Variants in KRTAP19-2 observed in about 807,000 individuals in gnomAD.
KRTAP19-2 encodes keratin-associated protein 19-2.
Under a neutral mutation model 0.3 loss-of-function variants are expected in KRTAP19-2, and 2 were observed. The ratio of observed to expected loss-of-function variants is 6.87; its 90% confidence interval spans 2.81 to 21.61. KRTAP19-2 has a LOEUF of 21.61. Among genes scored for constraint, KRTAP19-2 ranks in the 30% most tolerant of loss-of-function variants. The pLI is 0.03. For synonymous variants in KRTAP19-2, 31 were observed against 24.6 expected, an observed-to-expected ratio of 1.26 and a Z score of -0.77; for missense variants, 63 against 63.1, an observed-to-expected ratio of 1.00 and a Z score of 0.00.
chr21:30,487,207 A>C lies in KRTAP19-2; in HGVS notation c.142T>G (p.Phe48Val). The change falls in exon 1 of 1, where the codon TTC becomes GTC. Residue 48 changes from phenylalanine to valine, a missense_variant. Transcript: ENST00000334055. ...CCPSCYRRYR[F>V]TGFY Reference sequence around the variant, plus strand: ...GCAGCAGCTTAGTAGAAGCCAGTGAATCTATATCTTCTGTAGCATGATGGG... The same window carrying C: ...GCAGCAGCTTAGTAGAAGCCAGTGACTCTATATCTTCTGTAGCATGATGGG... 1.2e-6 allele frequency: 2 copies of C among 1,614,136 alleles called. No homozygotes were observed. The highest frequency in any genetic ancestry group is 1.7e-6 in the Non-Finnish European group (2 of 1,179,984).
In KRTAP19-2 at chr21:30,487,400, G is replaced by A; in HGVS notation, c.-52C>T. 6.2e-7 allele frequency: 1 copy of A among 1,613,528 alleles called. No individual in the cohort carries two copies. The highest frequency in any genetic ancestry group is 8.5e-7 in the Non-Finnish European group (1 of 1,179,622). Reference sequence around the variant, plus strand: ...CCAGACCTCCACAGTAGCTGCCCTAGTAGCTCACGGTGTCAGAGATAGTGA... The same window carrying A: ...CCAGACCTCCACAGTAGCTGCCCTAATAGCTCACGGTGTCAGAGATAGTGA... On this transcript the variant is annotated 5_prime_UTR_variant, in exon 1 of 1. Transcript: ENST00000334055.
rs1487414397 is a variant in KRTAP19-2 at position 30,487,161 on chromosome 21, A to G, written c.*29T>C. On this transcript the variant is annotated 3_prime_UTR_variant, in exon 1 of 1. Coordinates refer to ENST00000334055, the MANE Select transcript of KRTAP19-2 (RefSeq NM_181608.2). The stretch of plus-strand genomic sequence containing the variant: ...ACTTGTTTTTAAATCCCTTCAAAAT[A>G]ACAGATGCTGCATCACTAGAGCAGC... 1.9e-6 allele frequency: 3 copies of G among 1,606,672 alleles called. No individual in the cohort carries two copies. The Admixed American group carries it at 5.0e-5, about 27-fold the overall frequency.
rs1985878462 is a variant in KRTAP19-2 at position 30,487,072 on chromosome 21, C to G, written c.*118G>C. 1 of 1,107,704 alleles carries G rather than the reference C, an allele frequency of 9.0e-7. No homozygotes were observed. The highest frequency in any genetic ancestry group is 1.6e-5 in the African/African-American group (1 of 64,108). 68.6% of individuals were successfully genotyped at this position (1,107,704 alleles called of 1,614,324 possible). A position where few individuals can be genotyped will look rare whatever the true frequency, so the allele number is the denominator to read the frequency against. On this transcript the variant is annotated 3_prime_UTR_variant, in exon 1 of 1. Coordinates refer to ENST00000334055, the MANE Select transcript of KRTAP19-2 (RefSeq NM_181608.2). ...AGCCCCTTTGTTTTGGTCAATTTCT[C>G]CCTTTGGAATGGGAGCATTTACACA...
rs1286385862 is a variant in KRTAP19-2 at position 30,487,260 on chromosome 21, T to C, written c.89A>G (p.His30Arg). 1 of 1,614,152 alleles carries C rather than the reference T, an allele frequency of 6.2e-7. No individual in the cohort carries two copies. The highest frequency in any genetic ancestry group is 8.5e-7 in the Non-Finnish European group (1 of 1,180,016). ...GCAGCAGCCATCTCCACAGCCTCTGTGGCCACAACCATATCTGCATCCTTC... is the reference window on the plus strand; with the variant it reads ...GCAGCAGCCATCTCCACAGCCTCTGCGGCCACAACCATATCTGCATCCTTC... ...GYEGCRYGCGHRGCGDGCCCP... is the reference protein window; with the variant it reads ...GYEGCRYGCGRRGCGDGCCCP... Residue 30 changes from histidine (H) to arginine (R), a missense_variant, in exon 1 of 1, where the codon CAC (histidine) becomes CGC (arginine). Coordinates refer to ENST00000334055, the MANE Select transcript of KRTAP19-2 (RefSeq NM_181608.2).
rs979258271 is a variant in KRTAP19-2 at position 30,487,429 on chromosome 21, G to C, written c.-81C>G. The C allele has an allele frequency of 1.7e-5, 28 of 1,606,544 alleles. No individual in the cohort carries two copies. The highest frequency in any genetic ancestry group is 2.3e-5 in the Non-Finnish European group (27 of 1,175,090). The stretch of plus-strand genomic sequence containing the variant: ...CTCACGGTGTCAGAGATAGTGAGTT[G>C]GGTTTGCTGTCCCAGGCAAGGTCCT... On this transcript the variant is annotated 5_prime_UTR_variant, in exon 1 of 1. Transcript: ENST00000334055.
At position 30,487,383 on chromosome 21, in the gene KRTAP19-2, C is replaced by T. The variant is rs1277348535; in HGVS notation, c.-35G>A. 1.9e-6 allele frequency: 3 copies of T among 1,613,934 alleles called. No individual in the cohort carries two copies. Among genetic ancestry groups the T allele is most frequent in the Non-Finnish European group, 2.5e-6 (3 of 1,179,902 alleles). On this transcript the variant is annotated 5_prime_UTR_variant, in exon 1 of 1. Coordinates refer to ENST00000334055, the MANE Select transcript of KRTAP19-2 (RefSeq NM_181608.2). ...GCCTCCACAGCCATAGCCCAGACCT[C>T]CACAGTAGCTGCCCTAGTAGCTCAC...
At position 30,487,375 on chromosome 21, in the gene KRTAP19-2, C is replaced by T. The variant is rs1380884783; in HGVS notation, c.-27G>A. ...CCACCAAAGCCTCCACAGCCATAGCCCAGACCTCCACAGTAGCTGCCCTAG... is the reference window on the plus strand; with the variant it reads ...CCACCAAAGCCTCCACAGCCATAGCTCAGACCTCCACAGTAGCTGCCCTAG... On this transcript the variant is annotated 5_prime_UTR_variant, in exon 1 of 1. Transcript: ENST00000334055. 1 of 1,613,790 alleles carries T rather than the reference C, an allele frequency of 6.2e-7. No individual in the cohort carries two copies. The highest frequency in any genetic ancestry group is 1.3e-5 in the African/African-American group (1 of 75,018).
chr21:30,487,354 C>T lies in KRTAP19-2; in HGVS notation c.-6G>A. 6.2e-7 allele frequency: 1 copy of T among 1,610,458 alleles called. No individual in the cohort carries two copies. The highest frequency in any genetic ancestry group is 8.5e-7 in the Non-Finnish European group (1 of 1,177,016). ...CAGCCGTAGCCATAGCACATGCCAC[C>T]AAAGCCTCCACAGCCATAGCCCAGA... On this transcript the variant is annotated 5_prime_UTR_variant, in exon 1 of 1. Transcript: ENST00000334055.
chr21:30,487,235 G>A lies in KRTAP19-2; in HGVS notation c.114C>T (p.Cys38=). 1 of 1,614,176 alleles carries A rather than the reference G, an allele frequency of 6.2e-7. No homozygotes were observed. The highest frequency in any genetic ancestry group is 8.5e-7 in the Non-Finnish European group (1 of 1,180,026). The change falls in exon 1 of 1, where the codon TGC becomes TGT. Residue 38 remains cysteine, a synonymous_variant. Coordinates refer to ENST00000334055, the MANE Select transcript of KRTAP19-2 (RefSeq NM_181608.2). ...TATATCTTCTGTAGCATGATGGGCA[G>A]CAGCAGCCATCTCCACAGCCTCTGT... ...CGHRGCGDGC[C]CPSCYRRYRF...
Position 30,487,202 on chromosome 21 carries a change from A to G in KRTAP19-2, c.147T>C (p.Thr49=). 1 of 1,614,200 alleles carries G rather than the reference A, an allele frequency of 6.2e-7. No individual in the cohort carries two copies. The highest frequency in any genetic ancestry group is 2.2e-5 in the East Asian group (1 of 44,868). Residue 49 remains threonine, a synonymous_variant, in exon 1 of 1, where the codon ACT becomes ACC. Transcript: ENST00000334055. ...CTAGAGCAGCAGCTTAGTAGAAGCCAGTGAATCTATATCTTCTGTAGCATG... is the reference window on the plus strand; with the variant it reads ...CTAGAGCAGCAGCTTAGTAGAAGCCGGTGAATCTATATCTTCTGTAGCATG... ...CPSCYRRYRF[T]GFY is the part of the protein sequence containing the mutation.
rs1173406103 is a variant in KRTAP19-2, at chr21:30,487,365, C to A, written c.-17G>T. ...ATAGCACATGCCACCAAAGCCTCCA[C>A]AGCCATAGCCCAGACCTCCACAGTA... On this transcript the variant is annotated 5_prime_UTR_variant, in exon 1 of 1. Transcript: ENST00000334055. 6.2e-7 allele frequency: 1 copy of A among 1,613,922 alleles called. No individual in the cohort carries two copies.
rs929305165 is a variant in KRTAP19-2 at position 30,487,231 on chromosome 21, G to A, written c.118C>T (p.Pro40Ser). Residue 40 changes from proline (P) to serine (S), a missense_variant, in exon 1 of 1, where the codon CCA (proline) becomes TCA (serine). By Grantham distance (74) the Pro-to-Ser change is moderately conservative. Coordinates refer to ENST00000334055, the MANE Select transcript of KRTAP19-2 (RefSeq NM_181608.2). ...AATCTATATCTTCTGTAGCATGATG[G>A]GCAGCAGCAGCCATCTCCACAGCCT... is the stretch of plus-strand genomic sequence containing the variant. ...HRGCGDGCCCPSCYRRYRFTG... is the reference protein window; with the variant it reads ...HRGCGDGCCCSSCYRRYRFTG... 1 of 1,614,090 alleles carries A rather than the reference G, an allele frequency of 6.2e-7. No homozygotes were observed. Among genetic ancestry groups the A allele is most frequent in the Non-Finnish European group, 8.5e-7 (1 of 1,180,026 alleles).
rs1314375146 is a variant in KRTAP19-2, at chr21:30,487,368, C to T, written c.-20G>A. On this transcript the variant is annotated 5_prime_UTR_variant, in exon 1 of 1. Coordinates refer to ENST00000334055, the MANE Select transcript of KRTAP19-2 (RefSeq NM_181608.2). ...GCACATGCCACCAAAGCCTCCACAGCCATAGCCCAGACCTCCACAGTAGCT... is the reference window on the plus strand; with the variant it reads ...GCACATGCCACCAAAGCCTCCACAGTCATAGCCCAGACCTCCACAGTAGCT... 2 of 1,613,756 alleles carry T rather than the reference C, an allele frequency of 1.2e-6. No homozygotes were observed. The highest frequency in any genetic ancestry group is 1.7e-6 in the Non-Finnish European group (2 of 1,179,822).
Position 30,487,185 on chromosome 21 carries a change from G to C in KRTAP19-2, c.*5C>G. The C allele has an allele frequency of 6.2e-7, 1 of 1,613,790 alleles. No homozygotes were observed. The highest frequency in any genetic ancestry group is 2.2e-5 in the East Asian group (1 of 44,878). ...TAACAGATGCTGCATCACTAGAGCA[G>C]CAGCTTAGTAGAAGCCAGTGAATCT... is the stretch of plus-strand genomic sequence containing the variant. On this transcript the variant is annotated 3_prime_UTR_variant, in exon 1 of 1. Coordinates refer to ENST00000334055, the MANE Select transcript of KRTAP19-2 (RefSeq NM_181608.2).
Position 30,487,124 on chromosome 21 carries a change from T to C in KRTAP19-2, c.*66A>G, listed in dbSNP as rs1985879815. 6.6e-7 allele frequency: 1 copy of C among 1,526,656 alleles called. No individual in the cohort carries two copies. The highest frequency in any genetic ancestry group is 9.1e-7 in the Non-Finnish European group (1 of 1,103,758). 94.6% of individuals were successfully genotyped at this position (1,526,656 alleles called of 1,614,324 possible). A position where few individuals can be genotyped will look rare whatever the true frequency, so the allele number is the denominator to read the frequency against. ...TTACACCTTTACCCCCATTGTATCT[T>C]AGAAGTAAGTAACTTGTTTTTAAAT... On this transcript the variant is annotated 3_prime_UTR_variant, in exon 1 of 1. Transcript: ENST00000334055.
chr21:30,487,095 A>G lies in KRTAP19-2; in HGVS notation c.*95T>C. 1 of 1,314,232 alleles carries G rather than the reference A, an allele frequency of 7.6e-7. No individual in the cohort carries two copies. The highest frequency in any genetic ancestry group is 1.3e-5 in the South Asian group (1 of 76,886). 81.4% of individuals were successfully genotyped at this position (1,314,232 alleles called of 1,614,324 possible). A position where few individuals can be genotyped will look rare whatever the true frequency, so the allele number is the denominator to read the frequency against. On this transcript the variant is annotated 3_prime_UTR_variant, in exon 1 of 1. Coordinates refer to ENST00000334055, the MANE Select transcript of KRTAP19-2 (RefSeq NM_181608.2). Reference sequence around the variant, plus strand: ...CTCCCTTTGGAATGGGAGCATTTACACATTTACACCTTTACCCCCATTGTA... The same window carrying G: ...CTCCCTTTGGAATGGGAGCATTTACGCATTTACACCTTTACCCCCATTGTA...
Position 30,487,204 on chromosome 21 carries a change from T to A in KRTAP19-2, c.145A>T (p.Thr49Ser), listed in dbSNP as rs764193035. 124 of 1,614,012 alleles carry A rather than the reference T, an allele frequency of 7.7e-5. No homozygotes were observed. The highest frequency in any genetic ancestry group is 4.9e-4 in the Middle Eastern group (3 of 6,084). The change falls in exon 1 of 1, where the codon ACT (threonine) becomes TCT (serine). Residue 49 changes from threonine (T) to serine (S), a missense_variant. Transcript: ENST00000334055. ...AGAGCAGCAGCTTAGTAGAAGCCAG[T>A]GAATCTATATCTTCTGTAGCATGAT... ...CPSCYRRYRF[T>S]GFY
Position 30,487,299 on chromosome 21 carries a change from T to C in KRTAP19-2, c.50A>G (p.Tyr17Cys). The change falls in exon 1 of 1, where the codon TAT becomes TGT. Residue 17 changes from tyrosine (Y) to cysteine (C), a missense_variant. Transcript: ENST00000334055. ...TCTGCATCCTTCATAGCCGCAGCCA[T>C]AGCCCAGTCTGCAGAAGCTGCCACA... Reference protein sequence around the residue: ...CGCGSFCRLGYGCGYEGCRYG... With the variant: ...CGCGSFCRLGCGCGYEGCRYG... 1 of 1,614,094 alleles carries C rather than the reference T, an allele frequency of 6.2e-7. No individual in the cohort carries two copies. Among genetic ancestry groups the C allele is most frequent in the African/African-American group, 1.3e-5 (1 of 75,026 alleles).
At position 30,487,423 on chromosome 21, in the gene KRTAP19-2, T is replaced by A. The variant is rs948548162; in HGVS notation, c.-75A>T. On this transcript the variant is annotated 5_prime_UTR_variant, in exon 1 of 1. Coordinates refer to ENST00000334055, the MANE Select transcript of KRTAP19-2 (RefSeq NM_181608.2). Reference sequence around the variant, plus strand: ...TAGTAGCTCACGGTGTCAGAGATAGTGAGTTGGGTTTGCTGTCCCAGGCAA... The same window carrying A: ...TAGTAGCTCACGGTGTCAGAGATAGAGAGTTGGGTTTGCTGTCCCAGGCAA... 3.1e-5 allele frequency: 50 copies of A among 1,609,084 alleles called. No individual in the cohort carries two copies. Among genetic ancestry groups the A allele is most frequent in the Non-Finnish European group, 3.9e-5 (46 of 1,176,792 alleles).
Sources: allele counts gnomAD v4.1 joint callset, GRCh38; gene constraint gnomAD v4.1.1; transcripts MANE v1.5; gene names NCBI Gene and HGNC (gene_info 2026-07-23, HGNC 2026-07-21).